Variants in TG observed in about 807,000 individuals in gnomAD.
The protein encoded by TG is thyroglobulin.
In TG, 270 loss-of-function variants were observed where a neutral mutation model predicts 324.7. That is an observed-to-expected ratio of 0.83 (90% CI 0.75 to 0.92). The LOEUF (loss-of-function observed/expected upper bound fraction) is 0.92, where lower values mean the gene tolerates loss of function less well. TG is among the 40% of genes least tolerant of loss of function. The pLI, the probability that TG is intolerant of heterozygous loss-of-function variation, is 0.00. For synonymous variants in TG, 1,401 were observed against 1,327.0 expected (o/e 1.06, Z -1.21); for missense variants, 3,591 against 3,456.4 (o/e 1.04, Z -0.98).
At chr8:132,884,723 C>T (rs572756314) in intron 8 of TG, among the ~76,000 whole-genome samples, 2 of 152,324 alleles carry the variant, frequency 1.3e-5, no homozygotes, top group South Asian at 4.1e-4. Context: ...AATTAAAGGC[C>T]ATAAATGGCT....
chr8:133,097,973 G>T (rs377622201), intron 43 of TG, among the ~76,000 whole-genome samples: 2 of 152,064 alleles, frequency 1.3e-5, no homozygotes, highest in Admixed American at 6.6e-5. Context: ...TGTTGCAAGG[G>T]GGGGTGTCAA....
intron 41 of TG, among the ~76,000 whole-genome samples, chr8:133,041,240 G>C (rs1838170144): frequency 6.6e-6 from 1 of 152,212 alleles, no homozygotes; most frequent in African/African-American, 2.4e-5. Flanking sequence ...GTTTTCGACA[G>C]CACGTCACAC....
chr8:132,935,301 C>A (rs796630186), intron 24 of TG, among the ~76,000 whole-genome samples: 26 of 152,034 alleles, frequency 1.7e-4, no homozygotes, highest in African/African-American at 6.3e-4. Flanking sequence ...CCACCACACC[C>A]GATTAATTTT....
At chr8:133,118,456 C>T (rs935706782) in intron 45 of TG, among the ~76,000 whole-genome samples, 13 of 151,764 alleles carry the variant, frequency 8.6e-5, no homozygotes, top group African/African-American at 3.1e-4. Flanking sequence ...TCCCCAGTAG[C>T]TGGAATTACA....
intron 11 of TG, among the ~76,000 whole-genome samples, chr8:132,896,010 C>T (rs532781736): frequency 1.3e-5 from 2 of 152,346 alleles, no homozygotes; most frequent in South Asian, 4.1e-4. Context: ...GATTGAGGGC[C>T]CAGAGCGAAG....
At chr8:133,038,990 T>C (rs1837632203) in intron 41 of TG, among the ~76,000 whole-genome samples, 1 of 152,120 alleles carries the variant, frequency 6.6e-6, no homozygotes, top group African/African-American at 2.4e-5. Flanking sequence ...CGATTCTCCC[T>C]CCTTAGCCTC....
At chr8:133,051,554 G>T (rs1289543460) in intron 41 of TG, among the ~76,000 whole-genome samples, 1 of 152,106 alleles carries the variant, frequency 6.6e-6, no homozygotes, top group African/African-American at 2.4e-5. Context: ...AGGGACATTT[G>T]TTGAGGGTGG....
chr8:133,119,322 G>T (rs1350514051), intron 45 of TG, among the ~76,000 whole-genome samples: 1 of 152,154 alleles, frequency 6.6e-6, no homozygotes, highest in Non-Finnish European at 1.5e-5. Context: ...AGCTCTGCAG[G>T]GTTGAAATGG....
chr8:133,065,768 T>TAATAAAATAAAATAAAATAAAATAA (rs60174705), intron 41 of TG, among the ~76,000 whole-genome samples: 5 of 150,692 alleles, frequency 3.3e-5, no homozygotes, highest in African/African-American at 1.2e-4. Context: ...GTCTCAAAAA[T>TAATAAAATAAAATAAAATAAAATAA]AATAAAATAA....
intron 40 of TG, among the ~76,000 whole-genome samples, chr8:133,028,480 G>A (rs1397155243): frequency 2.0e-5 from 3 of 152,238 alleles, no homozygotes; most frequent in South Asian, 2.1e-4. Context: ...ACTCTGCTAA[G>A]AGCATCAGCA....
chr8:132,897,690 T>A lies in TG; in HGVS notation c.3043T>A (p.Ser1015Thr). 1 of 1,614,224 alleles carries A rather than the reference T, an allele frequency of 6.2e-7. No individual in the cohort carries two copies. Among genetic ancestry groups the A allele is most frequent in the Non-Finnish European group, 8.5e-7 (1 of 1,180,046 alleles). Residue 1015 changes from serine to threonine, a missense_variant, in exon 12 of 48, where the codon TCG (serine) becomes ACG (threonine). Physicochemically the swap from Ser to Thr is moderately conservative, Grantham distance 58. Transcript: ENST00000220616. ...YQRRRFSPDD[S>T]AGASALLRSG... is the part of the protein sequence containing the mutation. ...GAGACGCCGCTTTTCCCCGGACGAC[T>A]CGGCTGGAGCATCCGCCCTTCTGCG... is the stretch of plus-strand genomic sequence containing the variant.
chr8:132,869,006 G>A (rs1839228047), intron 2 of TG, among the ~76,000 whole-genome samples: 3 of 152,182 alleles, frequency 2.0e-5, no homozygotes, highest in Admixed American at 2.0e-4. Flanking sequence ...CCTCCCACGA[G>A]TGTGCAGAGA....
chr8:132,936,288 G>A (rs1035032770), intron 25 of TG, among the ~76,000 whole-genome samples: 3 of 152,174 alleles, frequency 2.0e-5, no homozygotes, highest in Non-Finnish European at 2.9e-5. Flanking sequence ...CTGGGGCCTG[G>A]GTGCCGGGCT....
rs1375711296 is a variant in TG, at chr8:132,886,570, A to T, written c.1198A>T (p.Arg400Ter). 6.2e-7 allele frequency: 1 copy of T among 1,614,198 alleles called. No homozygotes were observed. ...CCCAGAGAAAAGATGGGCCTCTCCA[A>T]GAGTAGCCAGATTTGCCACATCCTG... ...SSPEKRWASPRVARFATSCPP... is the reference protein window; with the variant it reads ...SSPEKRWASP The change falls in exon 9 of 48, where the codon AGA (arginine) becomes TGA (stop). Residue 400 changes from arginine to a stop codon, truncating the protein, a stop_gained. Transcript: ENST00000220616. LOFTEE classifies it high-confidence loss of function.
In TG at chr8:133,134,695, G is replaced by T. The variant is rs1852220092; in HGVS notation, c.8208G>T (p.Gln2736His). The change falls in exon 48 of 48, where the codon CAG becomes CAT. Residue 2736 changes from glutamine to histidine, a missense_variant. Coordinates refer to ENST00000220616, the MANE Select transcript of TG (RefSeq NM_003235.5). ...TTTCAGATGGAGCCAAGGGCGGGCA[G>T]TCAGCAGAGAGTGAAGAGGAGGAGT... ...KTSADGAKGG[Q>H]SAESEEEELT... is the part of the protein sequence containing the mutation. The T allele has an allele frequency of 6.2e-7, 1 of 1,614,048 alleles. No individual in the cohort carries two copies. The highest frequency in any genetic ancestry group is 8.5e-7 in the Non-Finnish European group (1 of 1,179,934).
intron 41 of TG, among the ~76,000 whole-genome samples, chr8:133,093,083 GTT>G (rs1847822948): frequency 6.6e-6 from 1 of 151,530 alleles, no homozygotes; most frequent in Admixed American, 6.6e-5. Context: ...AGAACACGGA[GTT>G]TTGAGCTTGA....
chr8:133,086,901 A>C (rs1846651841), intron 41 of TG, among the ~76,000 whole-genome samples: 1 of 152,240 alleles, frequency 6.6e-6, no homozygotes, highest in Admixed American at 6.5e-5. Flanking sequence ...TAACCTGTCT[A>C]TAACATTCTC....
intron 11 of TG, among the ~76,000 whole-genome samples, chr8:132,894,344 A>T (rs967866604): frequency 6.6e-6 from 1 of 152,132 alleles, no homozygotes; most frequent in Non-Finnish European, 1.5e-5. Context: ...TGACACATTG[A>T]TCTCATCTGA....
At position 132,948,808 on chromosome 8, in the gene TG, A is replaced by C. The variant is rs371749973; in HGVS notation, c.5266A>C (p.Ser1756Arg). Residue 1756 changes from serine (S) to arginine (R), a missense_variant, in exon 27 of 48, where the codon AGT (serine) becomes CGT (arginine). Ser to Arg is a moderately radical substitution (Grantham distance 110, BLOSUM62 -1). Transcript: ENST00000220616. ...AIICGLLSSP[S>R]VLLCNVKDWM... ...CATCTGTGGGTTGCTGAGCTCACCC[A>C]GTGTCCTGCTTTGTAATGTCAAAGA... 1 of 1,613,938 alleles carries C rather than the reference A, an allele frequency of 6.2e-7. No homozygotes were observed. The highest frequency in any genetic ancestry group is 1.3e-5 in the African/African-American group (1 of 74,880).
Sources: allele counts gnomAD v4.1 joint callset (sites outside exome capture counted in the v4.1 genomes callset), GRCh38; gene constraint gnomAD v4.1.1; transcripts MANE v1.5; gene names NCBI Gene and HGNC (gene_info 2026-07-23, HGNC 2026-07-21).